The following GPR39 variants were observed in gnomAD, a reference collection of about 807,000 sequenced individuals.
GPR39 encodes G protein-coupled receptor 39, also known as zinc sensing receptor.
GPR39 carries 23 observed loss-of-function variants against 18.4 expected under a neutral mutation model. The ratio of observed to expected loss-of-function variants is 1.25; its 90% CI spans 0.90 to 1.77. The LOEUF is 1.77. GPR39 is among the 40% of genes most tolerant of loss of function. The probability of loss-of-function intolerance (pLI) is 0.00; values close to 1 mark genes in which losing one functional copy is unlikely to be tolerated. For missense variants in GPR39, 647 were observed against 602.4 expected, an observed-to-expected ratio of 1.07 and a Z score of -0.78; for synonymous variants, 280 against 257.9, an observed-to-expected ratio of 1.09 and a Z score of -0.82.
At chr2:132,629,172 G>A (rs1381730421) in intron 1 of GPR39, among the ~76,000 whole-genome samples, 1 of 152,208 alleles carries the variant, frequency 6.6e-6, no homozygotes, top group Non-Finnish European at 1.5e-5. Context: ...CTGGTGATAA[G>A]GCTTGGAAGA....
intron 1 of GPR39, among the ~76,000 whole-genome samples, chr2:132,578,339 A>AT (rs1474165533): frequency 2.6e-5 from 4 of 152,096 alleles, no homozygotes; most frequent in African/African-American, 4.8e-5. Context: ...TTTTAGTTAT[A>AT]TTTTTTGTAT....
chr2:132,495,928 A>G (rs1236428404), intron 1 of GPR39, among the ~76,000 whole-genome samples: 1 of 152,034 alleles, frequency 6.6e-6, no homozygotes, highest in Non-Finnish European at 1.5e-5. Context: ...TAGGGACAAG[A>G]GAAGGCCTTC....
intron 1 of GPR39, among the ~76,000 whole-genome samples, chr2:132,520,037 T>C (rs1056796052): frequency 6.6e-6 from 1 of 152,200 alleles, no homozygotes; most frequent in Non-Finnish European, 1.5e-5. Flanking sequence ...TGATCTGGCT[T>C]CTCTGGATTT....
intron 1 of GPR39, among the ~76,000 whole-genome samples, chr2:132,470,538 C>T (rs1681010101): frequency 6.6e-6 from 1 of 152,048 alleles, no homozygotes; most frequent in African/African-American, 2.4e-5. Context: ...TTATAAAGTG[C>T]TCTGTTGGCC....
chr2:132,435,354 G>A (rs116545711), intron 1 of GPR39, among the ~76,000 whole-genome samples: 2 of 152,012 alleles, frequency 1.3e-5, no homozygotes, highest in South Asian at 2.1e-4. Flanking sequence ...AGACCTTTAT[G>A]ATGATCCACT....
At chr2:132,582,447 G>T (rs1680641061) in intron 1 of GPR39, among the ~76,000 whole-genome samples, 1 of 152,214 alleles carries the variant, frequency 6.6e-6, no homozygotes, top group Admixed American at 6.5e-5. Flanking sequence ...TGCTCTCAGT[G>T]GCTGGGAGAA....
chr2:132,535,832 G>A, intron 1 of GPR39, among the ~76,000 whole-genome samples: 1 of 151,728 alleles, frequency 6.6e-6, no homozygotes, highest in East Asian at 1.9e-4. Flanking sequence ...GTTTCTTCTA[G>A]ATTTTCTAGT....
chr2:132,594,580 C>T (rs1256410115), intron 1 of GPR39, among the ~76,000 whole-genome samples: 1 of 151,640 alleles, frequency 6.6e-6, no homozygotes, highest in Non-Finnish European at 1.5e-5. Context: ...ATTTAAATCC[C>T]TTCCCTGCCT....
intron 1 of GPR39, among the ~76,000 whole-genome samples, chr2:132,588,721 T>A (rs12691825): frequency 0.28 from 42,193 of 152,082 alleles, 6,619 homozygotes; most frequent in East Asian, 0.63. Flanking sequence ...GCTGCATCTT[T>A]TCAGACCTGG....
At chr2:132,546,839 C>CAAAAAAAAAAAAAAAAAAAAAAAAAAA (rs60267293) in intron 1 of GPR39, among the ~76,000 whole-genome samples, 1 of 33,974 alleles carries the variant, frequency 2.9e-5, no homozygotes, top group Admixed American at 4.7e-4. Context: ...AGCTCCACAG[C>CAAAAAAAAAAAAAAAAAAAAAAAAAAA]AAAAAAAAAA....
intron 1 of GPR39, among the ~76,000 whole-genome samples, chr2:132,521,748 TTAGCAATTTGTA>T (rs1679430390): frequency 6.6e-6 from 1 of 152,230 alleles, no homozygotes; most frequent in Non-Finnish European, 1.5e-5. Context: ...TGGATACTGA[TTAGCAATTTGTA>T]TAGCAATAAA....
chr2:132,418,071 T>C (rs1679944608), intron 1 of GPR39, among the ~76,000 whole-genome samples, 173 bp downstream of exon 1: 1 of 152,210 alleles, frequency 6.6e-6, no homozygotes, highest in Admixed American at 6.5e-5. Flanking sequence ...GGTCTCTGAA[T>C]GTTTCTTCTC....
intron 1 of GPR39, among the ~76,000 whole-genome samples, chr2:132,638,854 A>T (rs1051224455): frequency 6.6e-6 from 1 of 152,194 alleles, no homozygotes; most frequent in Admixed American, 6.5e-5. Context: ...ACAAAGCCTG[A>T]TGGAGTGCTC....
At chr2:132,465,197 A>AG (rs890179828) in intron 1 of GPR39, among the ~76,000 whole-genome samples, 19 of 152,346 alleles carry the variant, frequency 1.2e-4, no homozygotes, top group Admixed American at 9.8e-4. Context: ...GCAAAAAAAA[A>AG]AGAAAGAAGT....
intron 1 of GPR39, among the ~76,000 whole-genome samples, chr2:132,627,527 C>T (rs1558863753): frequency 6.6e-6 from 1 of 152,108 alleles, no homozygotes; most frequent in Non-Finnish European, 1.5e-5. Flanking sequence ...AGATTCCAGT[C>T]ATCTTTCATG....
At chr2:132,567,802 C>T (rs1680377552) in intron 1 of GPR39, among the ~76,000 whole-genome samples, 1 of 152,054 alleles carries the variant, frequency 6.6e-6, no homozygotes, top group Admixed American at 6.5e-5. Flanking sequence ...TGGGCCTCAC[C>T]ATCGTTTAAT....
intron 1 of GPR39, among the ~76,000 whole-genome samples, chr2:132,458,050 G>T (rs1680764156): frequency 6.6e-6 from 1 of 152,212 alleles, no homozygotes; most frequent in African/African-American, 2.4e-5. Context: ...GCTTCCCTTG[G>T]CTAGGAAAGG....
intron 1 of GPR39, among the ~76,000 whole-genome samples, chr2:132,582,635 G>A (rs1309450904): frequency 6.6e-6 from 1 of 152,168 alleles, no homozygotes; most frequent in Admixed American, 6.5e-5. Context: ...TAAGGTCAAG[G>A]TGCCTGAGCA....
At chr2:132,470,392 G>A (rs752186137) in intron 1 of GPR39, among the ~76,000 whole-genome samples, 13 of 152,192 alleles carry the variant, frequency 8.5e-5, no homozygotes, top group South Asian at 4.2e-4. Context: ...TGATGAAGAC[G>A]TCTGGGGAAA....
Sources: allele counts gnomAD v4.1 joint callset (sites outside exome capture counted in the v4.1 genomes callset), GRCh38; gene constraint gnomAD v4.1.1; transcripts MANE v1.5; gene names NCBI Gene and HGNC (gene_info 2026-07-23, HGNC 2026-07-21).